The following DTNA variants were observed in gnomAD, a reference collection of about 807,000 sequenced individuals.
The protein encoded by DTNA is dystrophin-related protein 3.
A neutral mutation model predicts 100.7 loss-of-function variants in DTNA; 43 were observed. That is an observed-to-expected ratio of 0.43 (90% CI 0.33 to 0.55). The LOEUF (loss-of-function observed/expected upper bound fraction) is 0.55, where lower values mean the gene tolerates loss of function less well. Ranked by LOEUF, DTNA falls within the 20% of genes least tolerant of loss-of-function variation. DTNA has a pLI of 0.04. For synonymous variants in DTNA, 349 were observed against 347.9 expected (o/e 1.00, Z -0.04); for missense variants, 798 against 953.9 (o/e 0.84, Z 2.15).
At chr18:34,811,566 C>T (rs1232552412) in intron 5 of DTNA, among the ~76,000 whole-genome samples, 1 of 152,210 alleles carries the variant, frequency 6.6e-6, no homozygotes, top group African/African-American at 2.4e-5. Context: ...CACACCCCAA[C>T]TTTATAGTAA....
intron 1 of DTNA, among the ~76,000 whole-genome samples, chr18:34,524,754 T>C (rs1356795637): frequency 7.0e-6 from 1 of 143,066 alleles, no homozygotes; most frequent in African/African-American, 3.0e-5. Context: ...CACAAGAGGA[T>C]TTTTTTTTAA....
In DTNA at chr18:34,517,460, C is replaced by CATGTGTGTGTGTGTGTGTGTGTGTGTGT. The variant is rs57616989; in HGVS notation, c.-2+23946_-2+23947insATGTGTGTGTGTGTGTGTGTGTGTGTGT. Among the ~76,000 whole-genome samples, 8 of 149,000 alleles carry CATGTGTGTGTGTGTGTGTGTGTGTGTGT rather than the reference C, an allele frequency of 5.4e-5. No individual in the cohort carries two copies. In the Admixed American group the frequency reaches 5.4e-4, roughly 10 times the overall value. On this transcript the variant is annotated intron_variant, in intron 1 of 19. Coordinates refer to the DTNA transcript ENST00000283365. ...TCAGATTTAATAAGTTTTATATACA[C>CATGTGTGTGTGTGTGTGTGTGTGTGTGT]GTGTGTGTGTGTGTGTGTGTGTGTG...
At chr18:34,714,950 C>T (rs982856951) in intron 1 of DTNA, among the ~76,000 whole-genome samples, 10 of 151,424 alleles carry the variant, frequency 6.6e-5, no homozygotes, top group African/African-American at 2.4e-4. Flanking sequence ...AGTAAACTAT[C>T]GCAAGAACAA....
At chr18:34,573,499 C>T (rs1260625536) in intron 1 of DTNA, among the ~76,000 whole-genome samples, 1 of 152,160 alleles carries the variant, frequency 6.6e-6, no homozygotes, top group Non-Finnish European at 1.5e-5. Context: ...TGTTGTCATA[C>T]TCTATATGCT....
At chr18:34,678,703 C>G (rs2077691060) in intron 1 of DTNA, among the ~76,000 whole-genome samples, 1 of 152,006 alleles carries the variant, frequency 6.6e-6, no homozygotes, top group Non-Finnish European at 1.5e-5. Context: ...AGTGGAGTGC[C>G]TGGGTCACTC....
chr18:34,626,300 G>T (rs1288761283), intron 1 of DTNA, among the ~76,000 whole-genome samples: 1 of 152,072 alleles, frequency 6.6e-6, no homozygotes, highest in Admixed American at 6.5e-5. Context: ...TACCATAAAG[G>T]AGTAGATGAA....
chr18:34,877,671 G>T, intron 18 of DTNA, 48 bp from the exon 19 acceptor site: 2 of 1,533,326 alleles, frequency 1.3e-6, no homozygotes, highest in South Asian at 1.1e-5. Context: ...TAAAAATTTA[G>T]GATAGAAGGA....
chr18:34,827,390 T>G (rs957042084), intron 9 of DTNA, among the ~76,000 whole-genome samples: 1 of 152,170 alleles, frequency 6.6e-6, no homozygotes, highest in Non-Finnish European at 1.5e-5. Flanking sequence ...CCTCCCAGTG[T>G]TTACCTGAGA....
At chr18:34,753,367 T>TTTTATTTTA (rs1568412627) in intron 1 of DTNA, among the ~76,000 whole-genome samples, 5 of 93,266 alleles carry the variant, frequency 5.4e-5, no homozygotes, top group African/African-American at 3.1e-4. Flanking sequence ...ATTTATTTTA[T>TTTTATTTTA]TTTTTTTTTT....
intron 3 of DTNA, among the ~76,000 whole-genome samples, chr18:34,778,572 T>C (rs185290050): frequency 9.5e-4 from 145 of 152,218 alleles, no homozygotes; most frequent in African/African-American, 3.2e-3. Flanking sequence ...AAACAAAAAT[T>C]CTGCACTCAT....
At position 34,890,561 on chromosome 18, in the gene DTNA, T is replaced by C. The variant is rs2096960003; in HGVS notation, c.*2827T>C. 5 of 1,436,000 alleles carry C rather than the reference T, an allele frequency of 3.5e-6. No homozygotes were observed. Among genetic ancestry groups the C allele is most frequent in the Middle Eastern group, 1.8e-4 (1 of 5,594 alleles). 89.0% of individuals were successfully genotyped at this position (1,436,000 alleles called of 1,614,324 possible). On this transcript the variant is annotated 3_prime_UTR_variant, in exon 23 of 23. Transcript: ENST00000444659. ...CATCTCCATCAGAGCTGATAGCCTG[T>C]TAATAAGCACTGGTCTAACACAGCC...
At chr18:34,876,684 A>G (rs2150341030) in intron 18 of DTNA, among the ~76,000 whole-genome samples, 1 of 152,288 alleles carries the variant, frequency 6.6e-6, no homozygotes, top group East Asian at 1.9e-4. Flanking sequence ...GGGGTGATAA[A>G]ATCTTAACAC....
intron 1 of DTNA, among the ~76,000 whole-genome samples, chr18:34,703,219 A>G (rs534255567): frequency 6.6e-6 from 1 of 152,328 alleles, no homozygotes; most frequent in South Asian, 2.1e-4. Context: ...GAGCGTTCCT[A>G]CATGTACTAC....
intron 1 of DTNA, among the ~76,000 whole-genome samples, chr18:34,724,751 C>T (rs1419267806): frequency 6.6e-6 from 1 of 152,136 alleles, no homozygotes; most frequent in South Asian, 2.1e-4. Context: ...TTGGAGGTCA[C>T]ATTTCAGCAT....
intron 6 of DTNA, among the ~76,000 whole-genome samples, chr18:34,814,083 G>A (rs1422608778): frequency 1.3e-5 from 2 of 152,098 alleles, no homozygotes; most frequent in Non-Finnish European, 1.5e-5. Context: ...AGGGCAGGGG[G>A]CTGAGTTTTT....
chr18:34,639,023 T>G (rs1367455400), intron 1 of DTNA, among the ~76,000 whole-genome samples: 1 of 152,122 alleles, frequency 6.6e-6, no homozygotes, highest in Non-Finnish European at 1.5e-5. Context: ...GTATTTTTAG[T>G]AGAGATGGGG....
chr18:34,543,572 T>C (rs2685553), intron 1 of DTNA, among the ~76,000 whole-genome samples: 138,135 of 152,100 alleles, frequency 0.91, 62,734 homozygotes, highest in East Asian at 0.96. Flanking sequence ...AAAGGAAAAC[T>C]GAGAATACTG....
intron 16 of DTNA, among the ~76,000 whole-genome samples, chr18:34,859,212 C>T (rs2096587814): frequency 6.6e-6 from 1 of 152,122 alleles, no homozygotes; most frequent in Admixed American, 6.5e-5. Context: ...CATCTTGTTA[C>T]CAGTGAAGGG....
In DTNA at chr18:34,863,946, G is replaced by A. The variant is rs746786945; in HGVS notation, c.1647-20G>A. 2 of 1,598,912 alleles carry A rather than the reference G, an allele frequency of 1.3e-6. No homozygotes were observed. Among genetic ancestry groups the A allele is most frequent in the Non-Finnish European group, 1.7e-6 (2 of 1,171,568 alleles). ...CAGAGAGTTGCATGCCGCTTCTGAT[G>A]TCAGCTGCTTCTTTCTTAGACAGCG... is the stretch of plus-strand genomic sequence containing the variant. On this transcript the variant is annotated intron_variant, in intron 16 of 22. Coordinates refer to ENST00000444659, the MANE Select transcript of DTNA (RefSeq NM_001386795.1).
Sources: gnomAD v4.1 joint callset for allele counts (sites outside exome capture counted in the v4.1 genomes callset) on GRCh38, gnomAD v4.1.1 for gene constraint, MANE v1.5 for transcripts, NCBI Gene and HGNC (gene_info 2026-07-23, HGNC 2026-07-21) for gene names.